The following PPP6R2 variants were observed in gnomAD, a reference collection of about 807,000 sequenced individuals.
PPP6R2 encodes the protein protein phosphatase 6 regulatory subunit 2.
In PPP6R2, 62 loss-of-function variants were observed where a neutral mutation model predicts 100.2. The observed-to-expected ratio is 0.62, with a 90% CI of 0.50 to 0.76. The LOEUF (loss-of-function observed/expected upper bound fraction) is 0.76, where lower values mean the gene tolerates loss of function less well. Ranked by LOEUF, PPP6R2 falls within the 30% of genes least tolerant of loss-of-function variation. The probability of loss-of-function intolerance (pLI) is 0.00; values close to 1 mark genes in which losing one functional copy is unlikely to be tolerated. For missense variants in PPP6R2, 1,142 were observed against 1,276.3 expected, an observed-to-expected ratio of 0.89 and a Z score of 1.60; for synonymous variants, 525 against 514.7, an observed-to-expected ratio of 1.02 and a Z score of -0.27.
intron 3 of PPP6R2, among the ~76,000 whole-genome samples, chr22:50,402,211 T>C (rs1264487429): frequency 2.0e-5 from 3 of 152,052 alleles, no homozygotes; most frequent in Non-Finnish European, 4.4e-5. Context: ...CTAGTTGACT[T>C]TTCTCTTTGT....
chr22:50,382,836 ATTT>A (rs532410577), intron 2 of PPP6R2, among the ~76,000 whole-genome samples: 4 of 141,238 alleles, frequency 2.8e-5, no homozygotes, highest in African/African-American at 2.6e-5. Context: ...TTACAAGCAA[ATTT>A]TTTTTTTTTT....
At chr22:50,370,560 T>G (rs567754464) in intron 1 of PPP6R2, among the ~76,000 whole-genome samples, 2 of 152,156 alleles carry the variant, frequency 1.3e-5, no homozygotes, top group Admixed American at 1.3e-4. Flanking sequence ...GTGCTGGGAT[T>G]ACAGGCGTGA....
intron 4 of PPP6R2, among the ~76,000 whole-genome samples, chr22:50,407,967 C>T (rs1459110841): frequency 6.6e-6 from 1 of 152,248 alleles, no homozygotes; most frequent in African/African-American, 2.4e-5. Flanking sequence ...ACTGCAGTCT[C>T]AACCTCCTCA....
intron 1 of PPP6R2, among the ~76,000 whole-genome samples, chr22:50,352,752 AC>A (rs906849330): frequency 6.7e-5 from 10 of 149,376 alleles, no homozygotes; most frequent in South Asian, 4.2e-4. Context: ...AAAAAAAAAA[AC>A]ACACAAAACA....
At chr22:50,439,615 G>A (rs1262057428) in intron 19 of PPP6R2, 86 bp from the exon 20 acceptor site, 2 of 1,405,784 alleles carry the variant, frequency 1.4e-6, no homozygotes, top group African/African-American at 1.5e-5. Flanking sequence ...CCTCTGAGGG[G>A]CTCCCGGGGC....
rs1359069376 is a variant in PPP6R2, at chr22:50,437,295, A to G, written c.1684-211A>G. Among the ~76,000 whole-genome samples, 4 of 152,356 alleles carry G rather than the reference A, an allele frequency of 2.6e-5. No individual in the cohort carries two copies. The East Asian group carries it at 7.7e-4, about 29-fold the overall frequency. On this transcript the variant is annotated intron_variant, in intron 15 of 23. Coordinates refer to ENST00000612753, the MANE Select transcript of PPP6R2 (RefSeq NM_001242898.2). ...CAGATGGACTCGAAAGTCAGAGAAT[A>G]TGGGGCGTATCTCAGATGTGACCGC...
At chr22:50,412,834 G>A (rs1156935905) in intron 4 of PPP6R2, among the ~76,000 whole-genome samples, 4 of 150,336 alleles carry the variant, frequency 2.7e-5, no homozygotes, top group East Asian at 2.0e-4. Context: ...TAGTAGAGAC[G>A]GGGTTTCACC....
chr22:50,438,715 C>T lies in PPP6R2; in HGVS notation c.2081C>T (p.Pro694Leu), dbSNP rs45528946. The T allele has an allele frequency of 0.033, 53,636 of 1,612,870 alleles. 1,403 individuals are homozygous for T. Among genetic ancestry groups the T allele is most frequent in the South Asian group, 0.11 (10,047 of 90,994 alleles). Residue 694 changes from proline (P) to leucine (L), a missense_variant, in exon 19 of 24, where the codon CCG (proline) becomes CTG (leucine). Physicochemically the swap from Pro to Leu is moderately conservative, Grantham distance 98. Transcript: ENST00000612753. ...GATGCACCTGGGGCAGGTGCCCCAC[C>T]GGCCCCCGGGAAGAAGGAAGCGCCC... is the stretch of plus-strand genomic sequence containing the variant. Reference protein sequence around the residue: ...HRDAPGAGAPPAPGKKEAPPV... With the variant: ...HRDAPGAGAPLAPGKKEAPPV...
chr22:50,398,468 C>T (rs1432181546), intron 3 of PPP6R2, among the ~76,000 whole-genome samples: 30 of 149,334 alleles, frequency 2.0e-4, no homozygotes, highest in Admixed American at 6.7e-4. Flanking sequence ...CCACTGCACC[C>T]GGCCCCCATC....
chr22:50,347,583 C>G (rs2044082836), intron 1 of PPP6R2, among the ~76,000 whole-genome samples: 1 of 152,072 alleles, frequency 6.6e-6, no homozygotes, highest in African/African-American at 2.4e-5. Flanking sequence ...GCTTTGTCCA[C>G]TCTCTTGTTA....
At chr22:50,407,318 G>GC (rs1480028684) in intron 4 of PPP6R2, 5 of 175,794 alleles carry the variant, frequency 2.8e-5, no homozygotes, top group Admixed American at 5.5e-5. Context: ...CTGCACTCCA[G>GC]CCTGGGCAAC....
At position 50,369,471 on chromosome 22, in the gene PPP6R2, T is replaced by A. The variant is rs915002893; in HGVS notation, c.-147-2549T>A. Among the ~76,000 whole-genome samples, 10 of 152,140 alleles carry A rather than the reference T, an allele frequency of 6.6e-5. No homozygotes were observed. In the Middle Eastern group the frequency reaches 0.01, roughly 155 times the overall value. ...ATTTTTTATTTTTTTAGAGATGGGGTCTCACTCTGTTACCCAAGCTGCAGT... is the reference window on the plus strand; with the variant it reads ...ATTTTTTATTTTTTTAGAGATGGGGACTCACTCTGTTACCCAAGCTGCAGT... On this transcript the variant is annotated intron_variant, in intron 1 of 23. Transcript: ENST00000612753.
At chr22:50,421,212 T>G (rs561200223) in intron 8 of PPP6R2, among the ~76,000 whole-genome samples, 3 of 152,328 alleles carry the variant, frequency 2.0e-5, no homozygotes, top group African/African-American at 7.2e-5. Context: ...TATTGATATT[T>G]TAATCTTCAT....
At chr22:50,403,693 CCT>C (rs1231828779) in intron 3 of PPP6R2, among the ~76,000 whole-genome samples, 1 of 152,210 alleles carries the variant, frequency 6.6e-6, no homozygotes, top group Non-Finnish European at 1.5e-5. Context: ...CCAGCCAGGT[CCT>C]CTCTCCCAAA....
chr22:50,366,719 A>G (rs1453293667), intron 1 of PPP6R2, among the ~76,000 whole-genome samples: 3 of 151,620 alleles, frequency 2.0e-5, no homozygotes, highest in Non-Finnish European at 4.4e-5. Context: ...GATCTTCAGC[A>G]TTTGCTGTGA....
intron 22 of PPP6R2, 76 bp from the exon 23 acceptor site, chr22:50,443,790 G>C: frequency 2.0e-6 from 3 of 1,488,182 alleles, no homozygotes; most frequent in South Asian, 2.6e-5. Flanking sequence ...TTTTTGTCCA[G>C]CTGGTCCTTG....
rs1241472231 is a variant in PPP6R2 at position 50,343,452 on chromosome 22, G to A, written c.-246G>A. The A allele has an allele frequency of 1.3e-5, 2 of 151,274 alleles. No homozygotes were observed. Among genetic ancestry groups the A allele is most frequent in the Non-Finnish European group, 3.0e-5 (2 of 67,588 alleles). The allele number at this position is 151,274 out of a possible 1,614,324, so 9.4% of individuals were successfully genotyped here. A position where few individuals can be genotyped will look rare whatever the true frequency, so the allele number is the denominator to read the frequency against. ...GGGCCCATGTGTGTGCGGCCCGCCCGAGGCCGCCCGGGCTTTGCCTCCACC... is the reference window on the plus strand; with the variant it reads ...GGGCCCATGTGTGTGCGGCCCGCCCAAGGCCGCCCGGGCTTTGCCTCCACC... On this transcript the variant is annotated 5_prime_UTR_variant, in exon 1 of 24. Transcript: ENST00000612753.
At chr22:50,376,433 G>A (rs1466728155) in intron 2 of PPP6R2, among the ~76,000 whole-genome samples, 1 of 152,126 alleles carries the variant, frequency 6.6e-6, no homozygotes, top group East Asian at 1.9e-4. Flanking sequence ...TTTTGTATGT[G>A]TGTGAGAAGG....
At chr22:50,361,966 G>A (rs768320317) in intron 1 of PPP6R2, among the ~76,000 whole-genome samples, 2 of 152,180 alleles carry the variant, frequency 1.3e-5, no homozygotes, top group Non-Finnish European at 2.9e-5. Context: ...TTTACCTGCA[G>A]TGCACATGCA....
Sources: gnomAD v4.1 joint callset for allele counts (sites outside exome capture counted in the v4.1 genomes callset) on GRCh38, gnomAD v4.1.1 for gene constraint, MANE v1.5 for transcripts, NCBI Gene and HGNC (gene_info 2026-07-23, HGNC 2026-07-21) for gene names.